The following GLIS3 variants were observed in gnomAD, a reference collection of about 807,000 sequenced individuals.
GLIS3 encodes the protein GLIS family zinc finger 3.
GLIS3 carries 53 observed loss-of-function variants against 78.6 expected under a neutral mutation model. The ratio of observed to expected loss-of-function variants is 0.67; its 90% CI spans 0.54 to 0.85. GLIS3 has a LOEUF of 0.85. Ranked by LOEUF, GLIS3 falls within the 40% of genes least tolerant of loss-of-function variation. GLIS3 has a pLI of 0.00. For synonymous variants in GLIS3, 684 were observed against 509.9 expected, an observed-to-expected ratio of 1.34 and a Z score of -4.60; for missense variants, 1,703 against 1,231.1, an observed-to-expected ratio of 1.38 and a Z score of -5.74.
At chr9:3,838,778 C>T (rs1818528215) in intron 9 of GLIS3, among the ~76,000 whole-genome samples, 1 of 152,064 alleles carries the variant, frequency 6.6e-6, no homozygotes, top group African/African-American at 2.4e-5. Flanking sequence ...GATAAATGTC[C>T]TCACTCCCCT....
chr9:4,440,076 A>G, the GLIS3 span, among the ~76,000 whole-genome samples: 1 of 152,150 alleles, frequency 6.6e-6, no homozygotes, highest in African/African-American at 2.4e-5. Flanking sequence ...AGTTCCTTTT[A>G]TATTTTGGAT....
intron 2 of GLIS3, among the ~76,000 whole-genome samples, chr9:4,164,928 G>A (rs1236887978): frequency 1.3e-5 from 2 of 152,190 alleles, no homozygotes; most frequent in Admixed American, 6.5e-5. Context: ...TAGGGGAAGT[G>A]AAGGGAAGTG....
chr9:3,915,305 A>G (rs1237636983), intron 6 of GLIS3, among the ~76,000 whole-genome samples: 1 of 152,124 alleles, frequency 6.6e-6, no homozygotes, highest in Non-Finnish European at 1.5e-5. Context: ...ATTCCATCCC[A>G]GAAGTTCAGA....
chr9:4,045,856 A>G (rs574342833), intron 4 of GLIS3, among the ~76,000 whole-genome samples: 171 of 152,314 alleles, frequency 1.1e-3, no homozygotes, highest in African/African-American at 3.9e-3. Context: ...AAGATGTGCC[A>G]AAAGTTGGAG....
At position 4,332,643 on chromosome 9, in the gene GLIS3, T is replaced by C. The variant is rs79523865; in HGVS notation, n.264+14438A>G. 9.9e-3 allele frequency among the ~76,000 whole-genome samples: 1,502 copies of C among 152,346 alleles called. 26 individuals carry two copies. Among genetic ancestry groups the C allele is most frequent in the African/African-American group, 0.035 (1,437 of 41,574 alleles). On this transcript the variant is annotated intron_variant and non_coding_transcript_variant, in intron 2 of 4. Coordinates refer to the GLIS3 transcript ENST00000471664. ...AGGGCAGACAACAGTATACTCACTC[T>C]AAACTACCAACCTACCTCTGGACTA...
intron 2 of GLIS3, among the ~76,000 whole-genome samples, chr9:4,237,953 T>C (rs369568010): frequency 1.6e-4 from 25 of 152,328 alleles, no homozygotes; most frequent in African/African-American, 3.8e-4. Context: ...ATCCTTTCCA[T>C]GTTCCCCTTA....
the GLIS3 span, among the ~76,000 whole-genome samples, chr9:4,482,680 T>C: frequency 6.6e-6 from 1 of 152,248 alleles, no homozygotes; most frequent in South Asian, 2.1e-4. Flanking sequence ...CCCTTTTCAT[T>C]TGTATCCTAA....
At chr9:4,133,680 C>G (rs1312361291) in intron 2 of GLIS3, among the ~76,000 whole-genome samples, 4 of 152,096 alleles carry the variant, frequency 2.6e-5, no homozygotes, top group Non-Finnish European at 4.4e-5. Flanking sequence ...TGTAATAGGG[C>G]CTGGCACTTA....
chr9:4,404,716 G>A, the GLIS3 span, among the ~76,000 whole-genome samples: 1 of 152,024 alleles, frequency 6.6e-6, no homozygotes, highest in Non-Finnish European at 1.5e-5. Flanking sequence ...GATACAGTGA[G>A]AGCAGTACTG....
the GLIS3 span, among the ~76,000 whole-genome samples, chr9:4,353,667 G>C: frequency 6.6e-6 from 1 of 152,180 alleles, no homozygotes; most frequent in East Asian, 1.9e-4. Context: ...TAGAGTCTAA[G>C]ATCATCTCGA....
At chr9:3,829,515 A>AGCTTTGG in intron 9 of GLIS3, 23 bp from the exon 10 acceptor site, 1 of 1,613,340 alleles carries the variant, frequency 6.2e-7, no homozygotes, top group Non-Finnish European at 8.5e-7. Flanking sequence ...CATGGCATTG[A>AGCTTTGG]GCACAAGTTC....
intron 4 of GLIS3, among the ~76,000 whole-genome samples, chr9:4,058,004 T>C (rs913682915): frequency 1.3e-5 from 2 of 152,330 alleles, no homozygotes; most frequent in East Asian, 3.9e-4. Flanking sequence ...TCAAACATTT[T>C]CTTCCAGCAC....
chr9:4,473,466 A>AAAAAAAAAAAAAAAAAAAAAG, the GLIS3 span, among the ~76,000 whole-genome samples: 12 of 135,394 alleles, frequency 8.9e-5, 2 homozygotes, highest in Non-Finnish European at 1.3e-4. Context: ...ACAACAAAAA[A>AAAAAAAAAAAAAAAAAAAAAG]AAAGGATCAT....
chr9:4,419,443 A>AG, the GLIS3 span, among the ~76,000 whole-genome samples: 1 of 152,166 alleles, frequency 6.6e-6, no homozygotes, highest in Non-Finnish European at 1.5e-5. Context: ...CGAAGGCGGA[A>AG]GGCAAAGTGG....
At chr9:4,273,377 T>C (rs537123173) in intron 2 of GLIS3, among the ~76,000 whole-genome samples, 1 of 152,224 alleles carries the variant, frequency 6.6e-6, no homozygotes, top group African/African-American at 2.4e-5. Context: ...GGAGGGTCAC[T>C]TAAGCCCAGG....
Position 4,056,720 on chromosome 9 carries a change from C to G in GLIS3, c.1710+61048G>C, listed in dbSNP as rs1826182806. Among the ~76,000 whole-genome samples, 3 of 152,046 alleles carry G rather than the reference C, an allele frequency of 2.0e-5. No homozygotes were observed. The South Asian group carries it at 6.2e-4, about 32-fold the overall frequency. On this transcript the variant is annotated intron_variant, in intron 4 of 10. Transcript: ENST00000381971. ...ATATATACAGAGTGACACACACACA[C>G]CCCACCACGCACACACAAACTATGA...
intron 6 of GLIS3, among the ~76,000 whole-genome samples, chr9:3,911,239 T>C (rs1430403408): frequency 1.3e-5 from 2 of 152,190 alleles, no homozygotes; most frequent in East Asian, 3.8e-4. Context: ...AGTTCCCTGC[T>C]CTCACAGAGT....
At chr9:3,864,439 G>C (rs902510691) in intron 8 of GLIS3, among the ~76,000 whole-genome samples, 1 of 152,184 alleles carries the variant, frequency 6.6e-6, no homozygotes, top group Non-Finnish European at 1.5e-5. Context: ...CAGTATCCCA[G>C]TATCCTTCTC....
intron 4 of GLIS3, among the ~76,000 whole-genome samples, chr9:4,044,294 C>G (rs1010435628): frequency 1.3e-5 from 2 of 152,196 alleles, no homozygotes; most frequent in Non-Finnish European, 2.9e-5. Context: ...AGACATAAAG[C>G]ATTTATGCAT....
Sources: allele counts gnomAD v4.1 joint callset (sites outside exome capture counted in the v4.1 genomes callset), GRCh38; gene constraint gnomAD v4.1.1; transcripts MANE v1.5; gene names NCBI Gene and HGNC (gene_info 2026-07-23, HGNC 2026-07-21).